The following VPS8 variants were observed in gnomAD, a reference collection of about 807,000 sequenced individuals.
VPS8 encodes the protein VPS8 subunit of CORVET complex.
VPS8 carries 129 observed loss-of-function variants against 216.4 expected under a neutral mutation model. The ratio of observed to expected loss-of-function variants is 0.60; its 90% confidence interval spans 0.52 to 0.69. The LOEUF (loss-of-function observed/expected upper bound fraction) is 0.69. VPS8 is among the 30% of genes least tolerant of loss of function. VPS8 has a pLI of 0.00. For missense variants in VPS8, 1,531 were observed against 1,683.5 expected (o/e 0.91, Z 1.59); for synonymous variants, 571 against 565.4 (o/e 1.01, Z -0.14).
At chr3:184,813,536 A>C (rs1715635402) in intron 1 of VPS8, among the ~76,000 whole-genome samples, 1 of 152,228 alleles carries the variant, frequency 6.6e-6, no homozygotes, top group African/African-American at 2.4e-5. Context: ...ATCCTCTGGC[A>C]ATAGCTGGCC....
chr3:184,937,440 CTGCTCTACTCTCTACCAG>C (rs1741839949), intron 35 of VPS8, among the ~76,000 whole-genome samples: 2 of 152,190 alleles, frequency 1.3e-5, no homozygotes, highest in African/African-American at 4.8e-5. Flanking sequence ...ACACTTAGTG[CTGCTCTACTCTCTACCAG>C]TGTGCTAGGC....
chr3:185,029,084 C>T (rs1042871212), intron 46 of VPS8, among the ~76,000 whole-genome samples: 33 of 152,162 alleles, frequency 2.2e-4, no homozygotes, highest in Admixed American at 2.2e-3. Context: ...TGAGATTTAC[C>T]TGAAGATCAA....
At chr3:184,826,859 T>C (rs1718900909) in intron 3 of VPS8, among the ~76,000 whole-genome samples, 1 of 152,210 alleles carries the variant, frequency 6.6e-6, no homozygotes, top group Non-Finnish European at 1.5e-5. Context: ...TTTTCAGAGT[T>C]TTGAAATGGT....
intron 36 of VPS8, among the ~76,000 whole-genome samples, chr3:184,948,106 A>G (rs1744008484): frequency 6.6e-6 from 1 of 152,188 alleles, no homozygotes. Context: ...CATTCTTACT[A>G]AAGATATTTA....
chr3:184,962,179 A>G (rs1746649541), intron 37 of VPS8, among the ~76,000 whole-genome samples: 2 of 152,250 alleles, frequency 1.3e-5, no homozygotes, highest in Admixed American at 1.3e-4. Flanking sequence ...GTTGGTAAAC[A>G]TTTAGATTGT....
intron 46 of VPS8, among the ~76,000 whole-genome samples, chr3:185,037,815 G>C (rs1293092237): frequency 6.6e-6 from 1 of 151,978 alleles, no homozygotes; most frequent in Admixed American, 6.6e-5. Flanking sequence ...TTTATAATTT[G>C]TATCTCTTTA....
At chr3:184,920,514 C>G (rs1250134001) in intron 29 of VPS8, among the ~76,000 whole-genome samples, 1 of 152,144 alleles carries the variant, frequency 6.6e-6, no homozygotes, top group Non-Finnish European at 1.5e-5. Context: ...TTTGAGAAAA[C>G]AATTAATATG....
chr3:184,914,313 C>T (rs1003913072), intron 26 of VPS8, among the ~76,000 whole-genome samples: 13 of 152,142 alleles, frequency 8.5e-5, no homozygotes, highest in African/African-American at 3.1e-4. Context: ...CAGTTGTCTC[C>T]AGTCTAACAT....
chr3:185,018,767 G>T (rs2110045658), intron 45 of VPS8, among the ~76,000 whole-genome samples: 1 of 152,288 alleles, frequency 6.6e-6, no homozygotes, highest in Non-Finnish European at 1.5e-5. Context: ...TGTTAATCTG[G>T]GGGGTGTATT....
chr3:184,927,167 T>G (rs1739814726), intron 31 of VPS8, among the ~76,000 whole-genome samples: 1 of 152,192 alleles, frequency 6.6e-6, no homozygotes, highest in Non-Finnish European at 1.5e-5. Flanking sequence ...TCATGCCACT[T>G]TCTTGAGGTT....
chr3:184,879,094 A>G (rs1002119703), intron 21 of VPS8, among the ~76,000 whole-genome samples: 3 of 152,202 alleles, frequency 2.0e-5, no homozygotes, highest in Non-Finnish European at 2.9e-5. Context: ...AAATCATCCC[A>G]TGAAATAGGG....
chr3:184,986,508 T>C (rs1751094869), intron 42 of VPS8, among the ~76,000 whole-genome samples: 1 of 152,086 alleles, frequency 6.6e-6, no homozygotes, highest in South Asian at 2.1e-4. Flanking sequence ...TTGGGGAAAG[T>C]CTGCTGATGG....
intron 43 of VPS8, among the ~76,000 whole-genome samples, chr3:184,994,784 G>T (rs1752398315): frequency 6.6e-6 from 1 of 152,176 alleles, no homozygotes; most frequent in Non-Finnish European, 1.5e-5. Flanking sequence ...GTATTAGTTT[G>T]TTTTTATGCT....
In VPS8 at chr3:184,849,118, G is replaced by A. The variant is rs200071170; in HGVS notation, c.589G>A (p.Gly197Ser). The A allele has an allele frequency of 9.2e-5, 148 of 1,613,480 alleles. No homozygotes were observed. In the African/African-American group the frequency reaches 1.5e-3, roughly 16 times the overall value. The change falls in exon 9 of 48, where the codon GGT (glycine) becomes AGT (serine). Residue 197 changes from glycine to serine, a missense_variant. Coordinates refer to ENST00000625842, the MANE Select transcript of VPS8 (RefSeq NM_001009921.3). ...CTGTCTGGGTAGCACTAGTGTTGGA[G>A]GTCAGTATGGCGCTATCTCTGCCCT... ...RLCLGSTSVG[G>S]QYGAISALSI...
chr3:184,955,870 A>G (rs1745504414), intron 36 of VPS8, among the ~76,000 whole-genome samples: 1 of 151,914 alleles, frequency 6.6e-6, no homozygotes, highest in Admixed American at 6.6e-5. Flanking sequence ...ATACTTAAAC[A>G]TGATTTTCAA....
intron 25 of VPS8, among the ~76,000 whole-genome samples, chr3:184,908,567 G>A (rs1185601895): frequency 6.6e-6 from 1 of 152,210 alleles, no homozygotes; most frequent in Non-Finnish European, 1.5e-5. Context: ...CCTGATGGAC[G>A]GCAGCATGTT....
chr3:184,954,210 C>T (rs1173153748), intron 36 of VPS8, among the ~76,000 whole-genome samples: 3 of 152,180 alleles, frequency 2.0e-5, no homozygotes, highest in Non-Finnish European at 4.4e-5. Context: ...AGGGAGCTTC[C>T]ATGCTCTCTC....
Position 185,043,164 on chromosome 3 carries a change from A to G in VPS8, c.4057-5315A>G, listed in dbSNP as rs142310392. ...AAACCGTATACATTCAGAGCACCTT[A>G]TGTTTGTCACTAACATGTCATAGTG... On this transcript the variant is annotated intron_variant, in intron 46 of 47. Coordinates refer to ENST00000625842, the MANE Select transcript of VPS8 (RefSeq NM_001009921.3). 2.6e-4 allele frequency among the ~76,000 whole-genome samples: 40 copies of G among 152,196 alleles called. No individual in the cohort carries two copies. The East Asian group carries it at 4.8e-3, about 18-fold the overall frequency.
intron 15 of VPS8, among the ~76,000 whole-genome samples, 160 bp from the exon 16 acceptor site, chr3:184,862,737 C>T (rs1350118022): frequency 6.6e-6 from 1 of 152,222 alleles, no homozygotes; most frequent in Non-Finnish European, 1.5e-5. Context: ...GTTCTCTGGC[C>T]TGTCACTGAG....
Sources: allele counts gnomAD v4.1 joint callset (sites outside exome capture counted in the v4.1 genomes callset), GRCh38; gene constraint gnomAD v4.1.1; transcripts MANE v1.5; gene names NCBI Gene and HGNC (gene_info 2026-07-23, HGNC 2026-07-21).